IQCH: variants seen among roughly 807,000 people sequenced by gnomAD.
The protein encoded by IQCH is IQ motif containing H.
Under a neutral mutation model 117.0 loss-of-function variants are expected in IQCH, and 98 were observed. That is an observed-to-expected ratio of 0.84 (90% confidence interval 0.71 to 0.99). The LOEUF (loss-of-function observed/expected upper bound fraction) is 0.99, where lower values mean the gene tolerates loss of function less well. Ranked by LOEUF, IQCH falls within the 50% of genes least tolerant of loss-of-function variation. The pLI is 0.00. For missense variants in IQCH, 1,102 were observed against 1,243.8 expected, an observed-to-expected ratio of 0.89 and a Z score of 1.72; for synonymous variants, 412 against 448.2, an observed-to-expected ratio of 0.92 and a Z score of 1.02.
intron 4 of IQCH, among the ~76,000 whole-genome samples, chr15:67,319,158 C>G (rs12441076): frequency 6.6e-6 from 1 of 151,872 alleles, no homozygotes. Context: ...ATCCGGGAGG[C>G]GGAGCTTGCA....
At chr15:67,423,630 C>T (rs1374172884) in intron 16 of IQCH, among the ~76,000 whole-genome samples, 2 of 147,220 alleles carry the variant, frequency 1.4e-5, no homozygotes, top group East Asian at 2.0e-4. Context: ...AGGCTGGGCA[C>T]GGTAGCTCAC....
rs545395036 is a variant in IQCH at position 67,396,732 on chromosome 15, AG to A, written c.1905+1172del. The stretch of plus-strand genomic sequence containing the variant: ...AGTCAGTTTGTGAGGGACAATATTT[AG>A]GGATCCCCTCCTACTCTCAGTTGCC... On this transcript the variant is annotated intron_variant, in intron 13 of 20. Transcript: ENST00000335894. Among the ~76,000 whole-genome samples, 22 of 152,332 alleles carry A rather than the reference AG, an allele frequency of 1.4e-4. No individual in the cohort carries two copies. The South Asian group carries it at 4.1e-3, about 29-fold the overall frequency.
intron 3 of IQCH, among the ~76,000 whole-genome samples, 176 bp from the exon 4 acceptor site, chr15:67,279,219 A>G (rs62014650): frequency 0.011 from 1,742 of 152,348 alleles, 18 homozygotes; most frequent in Non-Finnish European, 0.019. Context: ...GCTTAATAAA[A>G]CAACTGCAGT....
At chr15:67,449,052 C>A (rs1393420141) in intron 16 of IQCH, among the ~76,000 whole-genome samples, 1 of 119,548 alleles carries the variant, frequency 8.4e-6, no homozygotes, top group African/African-American at 3.2e-5. Context: ...ATATCCTTCG[C>A]CCACTTTTTG....
chr15:67,292,183 A>G (rs1470242394), intron 4 of IQCH, among the ~76,000 whole-genome samples: 1 of 152,204 alleles, frequency 6.6e-6, no homozygotes, highest in Non-Finnish European at 1.5e-5. Flanking sequence ...TGAATCTACC[A>G]GTGTCTTGAT....
chr15:67,255,153 C>T (rs1006809834), intron 1 of IQCH: 9 of 603,928 alleles, frequency 1.5e-5, no homozygotes, highest in Non-Finnish European at 2.7e-5. Context: ...GGTTACGCCC[C>T]AGAAGCAGGA....
At position 67,365,424 on chromosome 15, in the gene IQCH, A is replaced by G. The variant is rs894200473; in HGVS notation, c.753+5539A>G. Among the ~76,000 whole-genome samples, 10 of 152,322 alleles carry G rather than the reference A, an allele frequency of 6.6e-5. No homozygotes were observed. The highest frequency in any genetic ancestry group is 2.2e-4 in the African/African-American group (9 of 41,578). On this transcript the variant is annotated intron_variant, in intron 8 of 20. Transcript: ENST00000335894. This position sits in a 1 kb window ranked among gnomAD's most constrained non-coding sequence, Gnocchi z 4.4. The stretch of plus-strand genomic sequence containing the variant: ...CTTAAATTTTAGTATTCACACTTTC[A>G]TACATTCATTCATTCAACTAATCCT...
Position 67,398,729 on chromosome 15 carries a change from TA to T in IQCH, c.1906-1371del, listed in dbSNP as rs879382362. On this transcript the variant is annotated intron_variant, in intron 13 of 20. Transcript: ENST00000335894. ...CATGAGTCCTTTCACACTCTTTAGT[TA>T]AAAAAAAAAAAAATTGTGGGCAAAG... Among the ~76,000 whole-genome samples the T allele has an allele frequency of 5.7e-3, 812 of 141,762 alleles. 4 individuals carry two copies. The highest frequency in any genetic ancestry group is 0.02 in the East Asian group (97 of 4,968). The allele number at this position is 141,762 out of a possible 152,430, so 93.0% of individuals were successfully genotyped here.
Position 67,308,450 on chromosome 15 carries a change from T to A in IQCH, c.388-28525T>A, listed in dbSNP as rs189810702. On this transcript the variant is annotated intron_variant, in intron 4 of 20. Coordinates refer to ENST00000335894, the MANE Select transcript of IQCH (RefSeq NM_001031715.3). Reference sequence around the variant, plus strand: ...CCCAGGAGCATTTGGTAAATTAAATTAGTTGAACAAAAGGAAATAGCTTTA... The same window carrying A: ...CCCAGGAGCATTTGGTAAATTAAATAAGTTGAACAAAAGGAAATAGCTTTA... Among the ~76,000 whole-genome samples, 103 of 152,252 alleles carry A rather than the reference T, an allele frequency of 6.8e-4. 4 individuals carry two copies. In the East Asian group the frequency reaches 0.012, roughly 17 times the overall value.
At position 67,369,561 on chromosome 15, in the gene IQCH, G is replaced by C. The variant is rs910037749; in HGVS notation, c.754-2550G>C. Among the ~76,000 whole-genome samples the C allele has an allele frequency of 6.6e-6, 1 of 151,472 alleles. No individual in the cohort carries two copies. Among genetic ancestry groups the C allele is most frequent in the African/African-American group, 2.4e-5 (1 of 41,186 alleles). On this transcript the variant is annotated intron_variant, in intron 8 of 20. Transcript: ENST00000335894. This position sits in a 1 kb window ranked among gnomAD's most constrained non-coding sequence, Gnocchi z 5.2. ...AGGAGGGAGGGAGGAAGGAAGAAAA[G>C]GAAGGAGGGAGGAAAGAAGGCAGAG...
In IQCH at chr15:67,447,309, A is replaced by G. The variant is rs2082411073; in HGVS notation, c.2506-17818A>G. On this transcript the variant is annotated intron_variant, in intron 16 of 20. Coordinates refer to ENST00000335894, the MANE Select transcript of IQCH (RefSeq NM_001031715.3). The surrounding 1 kb of genome is among the most constrained non-coding windows in gnomAD (Gnocchi z 5.3). ...CCTCCTTGAGTCTGTCCTACATGGT[A>G]GCTGCAAGGCAGCTTTCTAAAGATT... Among the ~76,000 whole-genome samples, 1 of 152,112 alleles carries G rather than the reference A, an allele frequency of 6.6e-6. No individual in the cohort carries two copies. Among genetic ancestry groups the G allele is most frequent in the Non-Finnish European group, 1.5e-5 (1 of 68,020 alleles).
rs776562720 is a variant in IQCH at position 67,370,321 on chromosome 15, G to A, written c.754-1790G>A. Among the ~76,000 whole-genome samples the A allele has an allele frequency of 2.6e-5, 4 of 152,218 alleles. No individual in the cohort carries two copies. Among genetic ancestry groups the A allele is most frequent in the Non-Finnish European group, 2.9e-5 (2 of 68,046 alleles). On this transcript the variant is annotated intron_variant, in intron 8 of 20. Transcript: ENST00000335894. This position sits in a 1 kb window ranked among gnomAD's most constrained non-coding sequence, Gnocchi z 5.6. ...AGCTTTGCTTCTTATAGGTCTCAGAGTCCTGTTGACTGAATCACACGTGAC... is the reference window on the plus strand; with the variant it reads ...AGCTTTGCTTCTTATAGGTCTCAGAATCCTGTTGACTGAATCACACGTGAC...
intron 18 of IQCH, among the ~76,000 whole-genome samples, chr15:67,488,606 A>G (rs1212733547): frequency 6.6e-6 from 1 of 152,162 alleles, no homozygotes; most frequent in African/African-American, 2.4e-5. Flanking sequence ...GCAATCCCCA[A>G]CCTTTTTGGC....
chr15:67,487,804 T>C (rs1479066145), intron 18 of IQCH, among the ~76,000 whole-genome samples: 2 of 152,192 alleles, frequency 1.3e-5, no homozygotes, highest in Non-Finnish European at 1.5e-5. Context: ...GTGATTTCTT[T>C]TACCAAAGCC....
chr15:67,482,556 G>A (rs971069781), intron 18 of IQCH, among the ~76,000 whole-genome samples: 1 of 152,064 alleles, frequency 6.6e-6, no homozygotes, highest in African/African-American at 2.4e-5. Flanking sequence ...AACTTTGAAA[G>A]GTAGACATTT....
chr15:67,352,768 A>G (rs1389648289), intron 6 of IQCH, among the ~76,000 whole-genome samples: 1 of 152,052 alleles, frequency 6.6e-6, no homozygotes, highest in Non-Finnish European at 1.5e-5. Flanking sequence ...GCATCTAGGC[A>G]TATAGGTCTT....
intron 17 of IQCH, among the ~76,000 whole-genome samples, chr15:67,471,112 G>A (rs972661801): frequency 1.3e-5 from 2 of 151,748 alleles, no homozygotes; most frequent in East Asian, 3.9e-4. Context: ...TTCCCCCATC[G>A]GTAGATTTTT....
intron 14 of IQCH, among the ~76,000 whole-genome samples, chr15:67,412,470 C>T (rs546483827): frequency 2.6e-5 from 4 of 152,150 alleles, no homozygotes; most frequent in South Asian, 4.2e-4. Context: ...AGTGCAATGA[C>T]GCTATCTCAA....
rs2081876973 is a variant in IQCH, at chr15:67,425,925, A to G, written c.2505+4348A>G. Among the ~76,000 whole-genome samples the G allele has an allele frequency of 6.6e-6, 1 of 152,086 alleles. No homozygotes were observed. Among genetic ancestry groups the G allele is most frequent in the Non-Finnish European group, 1.5e-5 (1 of 68,020 alleles). Reference sequence around the variant, plus strand: ...AAGTCATGGGTTTCTATTTTATTTAATGGGTTGTATTTTGATACTTTCATT... The same window carrying G: ...AAGTCATGGGTTTCTATTTTATTTAGTGGGTTGTATTTTGATACTTTCATT... On this transcript the variant is annotated intron_variant, in intron 16 of 20. Transcript: ENST00000335894. This position sits in a 1 kb window ranked among gnomAD's most constrained non-coding sequence, Gnocchi z 5.5.
Sources: gnomAD v4.1 joint callset for allele counts (sites outside exome capture counted in the v4.1 genomes callset) on GRCh38, gnomAD v4.1.1 for gene constraint, Gnocchi (gnomAD v3.1) non-coding constraint, MANE v1.5 for transcripts, NCBI Gene and HGNC (gene_info 2026-07-23, HGNC 2026-07-21) for gene names.